NEFH: variants seen among roughly 807,000 people sequenced by gnomAD.
NEFH encodes the protein neurofilament heavy polypeptide.
Under a neutral mutation model 56.6 loss-of-function variants are expected in NEFH, and 58 were observed. The observed-to-expected ratio is 1.03, with a 90% CI of 0.83 to 1.28. The LOEUF is 1.28. Among genes scored for constraint, NEFH ranks in the 50% most tolerant of loss-of-function variants. NEFH has a pLI of 0.00. For missense variants in NEFH, 1,221 were observed against 1,307.6 expected (o/e 0.93, Z 1.02); for synonymous variants, 542 against 545.8 (o/e 0.99, Z 0.10).
Position 29,483,548 on chromosome 22 carries a change from C to A in NEFH, c.1057C>A (p.His353Asn). 6.2e-7 allele frequency: 1 copy of A among 1,613,812 alleles called. No homozygotes were observed. The highest frequency in any genetic ancestry group is 1.1e-5 in the South Asian group (1 of 91,090). The stretch of plus-strand genomic sequence containing the variant: ...GCAGCGCTCTGAGCTGGAGGACCGT[C>A]ATCAGGCCGACATTGCCTCCTACCA... ...ERQRSELEDR[H>N]QADIASYQEA... is the part of the protein sequence containing the mutation. The change falls in exon 2 of 4, where the codon CAT (histidine) becomes AAT (asparagine). Residue 353 changes from histidine to asparagine, a missense_variant. His to Asn is a moderately conservative substitution (Grantham distance 68, BLOSUM62 1). Transcript: ENST00000310624.
At chr22:29,483,607 C>A in intron 2 of NEFH, 33 bp downstream of exon 2, 1 of 1,607,200 alleles carries the variant, frequency 6.2e-7, no homozygotes, top group South Asian at 1.1e-5. Flanking sequence ...GCCAGACTGC[C>A]TTACCTGATT....
Sources: gnomAD v4.1 joint callset for allele counts on GRCh38, gnomAD v4.1.1 for gene constraint, MANE v1.5 for transcripts, NCBI Gene and HGNC (gene_info 2026-07-23, HGNC 2026-07-21) for gene names.